PTPRG: variants seen among roughly 807,000 people sequenced by gnomAD.
PTPRG encodes the protein receptor-type tyrosine-protein phosphatase gamma.
In PTPRG, 102 loss-of-function variants were observed where a neutral mutation model predicts 165.3. The observed-to-expected ratio is 0.62, with a 90% CI of 0.53 to 0.73. The LOEUF is 0.73. Among genes scored for constraint, PTPRG ranks in the 30% least tolerant of loss-of-function variants. The probability of loss-of-function intolerance (pLI) is 0.00; values close to 1 mark genes in which losing one functional copy is unlikely to be tolerated. For synonymous variants in PTPRG, 675 were observed against 669.5 expected, an observed-to-expected ratio of 1.01 and a Z score of -0.13; for missense variants, 1,866 against 1,861.4, an observed-to-expected ratio of 1.00 and a Z score of -0.05.
In PTPRG at chr3:62,231,294, A is replaced by G; in HGVS notation, c.2358A>G (p.Arg786=). Residue 786 remains arginine, a synonymous_variant, in exon 14 of 30, where the codon AGA becomes AGG. Coordinates refer to ENST00000474889, the MANE Select transcript of PTPRG (RefSeq NM_002841.4). The stretch of plus-strand genomic sequence containing the variant: ...GTGAAGTGCCTTCTTCTGGGGAGAG[A>G]GGAGAGAAGGGGAGCAGGTGAGGGG... ...RFREVPSSGE[R]GEKGSRKCFQ... 3 of 1,594,834 alleles carry G rather than the reference A, an allele frequency of 1.9e-6. No individual in the cohort carries two copies. Among genetic ancestry groups the G allele is most frequent in the Admixed American group, 1.7e-5 (1 of 58,030 alleles).
At chr3:61,810,529 CT>C (rs1486126884) in intron 2 of PTPRG, among the ~76,000 whole-genome samples, 1 of 152,144 alleles carries the variant, frequency 6.6e-6, no homozygotes, top group African/African-American at 2.4e-5. Flanking sequence ...GTTTAAACCT[CT>C]TTATCTGCTC....
intron 1 of PTPRG, among the ~76,000 whole-genome samples, chr3:61,657,131 G>A (rs1470532295): frequency 1.3e-5 from 2 of 152,206 alleles, no homozygotes; most frequent in Admixed American, 1.3e-4. Flanking sequence ...AAGTATGATT[G>A]GAGGACAAAG....
At chr3:61,723,659 A>G (rs1211326512) in intron 1 of PTPRG, among the ~76,000 whole-genome samples, 1 of 152,198 alleles carries the variant, frequency 6.6e-6, no homozygotes, top group Non-Finnish European at 1.5e-5. Flanking sequence ...GCGGTCCCAT[A>G]TACCCCCTTT....
intron 1 of PTPRG, among the ~76,000 whole-genome samples, chr3:61,741,328 T>C (rs1014864517): frequency 1.3e-5 from 2 of 152,220 alleles, no homozygotes; most frequent in Admixed American, 1.3e-4. Context: ...TTTAGTTGGC[T>C]TATGTTTTGG....
At chr3:62,007,451 A>C (rs2041324294) in intron 4 of PTPRG, among the ~76,000 whole-genome samples, 1 of 152,250 alleles carries the variant, frequency 6.6e-6, no homozygotes, top group Non-Finnish European at 1.5e-5. Flanking sequence ...TAGAAAAGAA[A>C]GTTGAAGTCA....
At chr3:62,176,954 T>C (rs1269889177) in intron 8 of PTPRG, among the ~76,000 whole-genome samples, 1 of 152,102 alleles carries the variant, frequency 6.6e-6, no homozygotes, top group African/African-American at 2.4e-5. Flanking sequence ...AAGCTTCTAT[T>C]TCCTTGCCTC....
intron 1 of PTPRG, among the ~76,000 whole-genome samples, chr3:61,646,206 A>C (rs1205272320): frequency 6.6e-6 from 1 of 152,120 alleles, no homozygotes; most frequent in Non-Finnish European, 1.5e-5. Context: ...CCTGAACTGA[A>C]GCAATCCTCC....
intron 2 of PTPRG, among the ~76,000 whole-genome samples, chr3:61,837,455 G>A (rs529732381): frequency 6.6e-6 from 1 of 152,330 alleles, no homozygotes; most frequent in East Asian, 1.9e-4. Flanking sequence ...GTCACAAGCA[G>A]GGCTCCTGTT....
chr3:61,685,484 G>A (rs1255100788), intron 1 of PTPRG, among the ~76,000 whole-genome samples: 2 of 152,206 alleles, frequency 1.3e-5, no homozygotes, highest in Non-Finnish European at 2.9e-5. Context: ...AAGCAGGATT[G>A]GACAGGGAGA....
chr3:61,805,863 G>A (rs934894278), intron 2 of PTPRG, among the ~76,000 whole-genome samples: 1 of 152,182 alleles, frequency 6.6e-6, no homozygotes, highest in Admixed American at 6.5e-5. Flanking sequence ...TTAGTGAAGT[G>A]GGGCAGGGAG....
At position 62,192,429 on chromosome 3, in the gene PTPRG, G is replaced by C. The variant is rs368949233; in HGVS notation, c.1218+776G>C. Among the ~76,000 whole-genome samples, 64 of 64,150 alleles carry C rather than the reference G, an allele frequency of 1.0e-3. 1 individual carries two copies. The highest frequency in any genetic ancestry group is 3.3e-3 in the African/African-American group (60 of 17,914). The allele number at this position is 64,150 out of a possible 152,430, so 42.1% of individuals were successfully genotyped here. ...TTTTTTTTTTTTTTTTTTTTTTTGA[G>C]ACAGAGTCTTGCTCTGTCGCCCAGG... On this transcript the variant is annotated intron_variant, in intron 9 of 29. Coordinates refer to ENST00000474889, the MANE Select transcript of PTPRG (RefSeq NM_002841.4).
At chr3:61,605,418 G>T (rs1209663258) in intron 1 of PTPRG, among the ~76,000 whole-genome samples, 1 of 151,944 alleles carries the variant, frequency 6.6e-6, no homozygotes, top group Non-Finnish European at 1.5e-5. Context: ...ACCACACCCA[G>T]CTAATTTTTG....
At chr3:61,900,503 A>T (rs957817511) in intron 2 of PTPRG, among the ~76,000 whole-genome samples, 1 of 152,094 alleles carries the variant, frequency 6.6e-6, no homozygotes, top group African/African-American at 2.4e-5. Flanking sequence ...CCATCCTCTG[A>T]TGTAAGGTGT....
intron 5 of PTPRG, among the ~76,000 whole-genome samples, chr3:62,131,083 G>C (rs1254298800): frequency 6.6e-6 from 1 of 152,110 alleles, no homozygotes; most frequent in African/African-American, 2.4e-5. Flanking sequence ...TTAACTCATA[G>C]AGCATCTAAT....
intron 8 of PTPRG, 98 bp downstream of exon 8, chr3:62,168,261 G>T (rs1472586765): frequency 3.0e-5 from 35 of 1,154,288 alleles, no homozygotes; most frequent in Non-Finnish European, 3.9e-5. Context: ...TTGGGACTTG[G>T]TGTTAAATGC....
At chr3:61,620,715 G>A (rs905190506) in intron 1 of PTPRG, among the ~76,000 whole-genome samples, 1 of 151,698 alleles carries the variant, frequency 6.6e-6, no homozygotes, top group Admixed American at 6.6e-5. Flanking sequence ...TGCAACCTCC[G>A]CCTCCCAGGT....
chr3:61,706,646 C>T (rs2365944), intron 1 of PTPRG, among the ~76,000 whole-genome samples: 17,593 of 151,858 alleles, frequency 0.12, 1,309 homozygotes, highest in East Asian at 0.17. Flanking sequence ...GGCGCTACCA[C>T]GCCCAGCTAA....
chr3:61,582,527 A>G (rs78288380), intron 1 of PTPRG, among the ~76,000 whole-genome samples: 3,651 of 152,276 alleles, frequency 0.024, 69 homozygotes, highest in Non-Finnish European at 0.037. Context: ...GTAGCCTGAT[A>G]GGAACCCAGA....
At chr3:61,826,199 C>T (rs2036105203) in intron 2 of PTPRG, among the ~76,000 whole-genome samples, 1 of 152,144 alleles carries the variant, frequency 6.6e-6, no homozygotes. Context: ...ATTTGTTTCT[C>T]TCGTGGAAAT....
Sources: allele counts gnomAD v4.1 joint callset (sites outside exome capture counted in the v4.1 genomes callset), GRCh38; gene constraint gnomAD v4.1.1; transcripts MANE v1.5; gene names NCBI Gene and HGNC (gene_info 2026-07-23, HGNC 2026-07-21).